Variants in NEGR1 observed in about 807,000 individuals in gnomAD.
The protein encoded by NEGR1 is neuronal growth regulator 1.
NEGR1 carries 10 observed loss-of-function variants against 40.9 expected under a neutral mutation model. The ratio of observed to expected loss-of-function variants is 0.24; its 90% CI spans 0.15 to 0.42. NEGR1 has a LOEUF of 0.42. Ranked by LOEUF, NEGR1 falls within the 10% of genes least tolerant of loss-of-function variation. The pLI, the probability that NEGR1 is intolerant of heterozygous loss-of-function variation, is 1.00. For synonymous variants in NEGR1, 185 were observed against 166.8 expected (o/e 1.11, Z -0.84); for missense variants, 352 against 438.9 (o/e 0.80, Z 1.77).
intron 1 of NEGR1, among the ~76,000 whole-genome samples, chr1:72,110,925 TG>T (rs1199889313): frequency 1.3e-5 from 2 of 151,650 alleles, no homozygotes; most frequent in South Asian, 4.1e-4. Context: ...GTGTTTTCTT[TG>T]GGAACATGAA....
chr1:72,099,604 A>G (rs1350639071), intron 1 of NEGR1, among the ~76,000 whole-genome samples: 2 of 152,052 alleles, frequency 1.3e-5, no homozygotes, highest in Admixed American at 6.6e-5. Flanking sequence ...CCTGGTAAGT[A>G]GACTTGGTGA....
intron 1 of NEGR1, among the ~76,000 whole-genome samples, chr1:71,974,172 A>C (rs1418771189): frequency 6.6e-6 from 1 of 152,166 alleles, no homozygotes; most frequent in Non-Finnish European, 1.5e-5. Context: ...CATTAGCCAC[A>C]TTACTTCAGG....
chr1:72,232,166 C>T (rs1032720558), intron 1 of NEGR1, among the ~76,000 whole-genome samples: 6 of 151,762 alleles, frequency 4.0e-5, no homozygotes, highest in Non-Finnish European at 5.9e-5. Flanking sequence ...CCAGCTTGGC[C>T]GATATGGTGA....
At chr1:71,460,899 G>A (rs1239583425) in intron 6 of NEGR1, among the ~76,000 whole-genome samples, 2 of 151,934 alleles carry the variant, frequency 1.3e-5, no homozygotes, top group East Asian at 3.9e-4. Flanking sequence ...AAAGTGGAAG[G>A]GTTTTTGTTT....
At chr1:71,869,714 A>G (rs1660221628) in intron 2 of NEGR1, among the ~76,000 whole-genome samples, 1 of 152,184 alleles carries the variant, frequency 6.6e-6, no homozygotes, top group African/African-American at 2.4e-5. Context: ...TATTCAAGTC[A>G]AAAGAAAATA....
chr1:71,643,355 A>T (rs899902535), intron 4 of NEGR1, among the ~76,000 whole-genome samples: 22 of 152,054 alleles, frequency 1.4e-4, no homozygotes, highest in Admixed American at 5.9e-4. Flanking sequence ...TGATATAGTG[A>T]TTGTGGGAGT....
Position 71,871,826 on chromosome 1 carries a change from C to G in NEGR1, c.409+63253G>C, listed in dbSNP as rs1008016142. On this transcript the variant is annotated intron_variant, in intron 2 of 6. Transcript: ENST00000357731. ...CCTAGGGTCCTTTTTTCTATCAGAG[C>G]TCATTCATGAATTGCAGCTTCCAGT... 2.0e-5 allele frequency among the ~76,000 whole-genome samples: 3 copies of G among 152,254 alleles called. No individual in the cohort carries two copies. The South Asian group carries it at 6.2e-4, about 32-fold the overall frequency.
chr1:71,710,524 C>T (rs1439005730), intron 3 of NEGR1, among the ~76,000 whole-genome samples: 1 of 152,166 alleles, frequency 6.6e-6, no homozygotes, highest in Non-Finnish European at 1.5e-5. Flanking sequence ...TACATATACA[C>T]AGTGGAGTAC....
chr1:71,685,720 T>A (rs1434046587), intron 4 of NEGR1, among the ~76,000 whole-genome samples: 2 of 152,186 alleles, frequency 1.3e-5, no homozygotes, highest in Non-Finnish European at 2.9e-5. Context: ...CCAAATTTAT[T>A]TTTCTCTCCA....
At chr1:72,222,032 G>T (rs1035696139) in intron 1 of NEGR1, among the ~76,000 whole-genome samples, 1 of 152,048 alleles carries the variant, frequency 6.6e-6, no homozygotes, top group Admixed American at 6.6e-5. Flanking sequence ...CTGACACTGG[G>T]CTGGTAGTCA....
chr1:72,188,443 T>G (rs1012069082), intron 1 of NEGR1, among the ~76,000 whole-genome samples: 1 of 151,530 alleles, frequency 6.6e-6, no homozygotes. Flanking sequence ...TTGCAACAGC[T>G]TATTAATTGG....
At chr1:72,150,525 A>G (rs1570045047) in intron 1 of NEGR1, among the ~76,000 whole-genome samples, 1 of 152,208 alleles carries the variant, frequency 6.6e-6, no homozygotes, top group East Asian at 1.9e-4. Context: ...AGCAAATATT[A>G]AAGATGATAC....
intron 2 of NEGR1, among the ~76,000 whole-genome samples, chr1:71,934,421 A>G (rs1470392975): frequency 6.6e-6 from 1 of 152,108 alleles, no homozygotes; most frequent in Non-Finnish European, 1.5e-5. Context: ...AATATAAACC[A>G]TTGTGTACAT....
At chr1:71,661,945 A>T (rs966322669) in intron 4 of NEGR1, among the ~76,000 whole-genome samples, 1 of 152,176 alleles carries the variant, frequency 6.6e-6, no homozygotes, top group African/African-American at 2.4e-5. Context: ...CTCCTTTTGT[A>T]GAACAAGGAT....
chr1:72,189,360 C>T (rs1414560281), intron 1 of NEGR1, among the ~76,000 whole-genome samples: 1 of 151,446 alleles, frequency 6.6e-6, no homozygotes, highest in African/African-American at 2.4e-5. Context: ...TCATATTAAT[C>T]TTATACTCTT....
chr1:71,547,640 CA>C (rs1647944096), intron 6 of NEGR1, among the ~76,000 whole-genome samples: 1 of 151,692 alleles, frequency 6.6e-6, no homozygotes, highest in Non-Finnish European at 1.5e-5. Context: ...AGTGTGGCCC[CA>C]GACAGAAGTG....
At chr1:72,261,609 G>A (rs535902851) in intron 1 of NEGR1, among the ~76,000 whole-genome samples, 2 of 151,972 alleles carry the variant, frequency 1.3e-5, no homozygotes, top group Non-Finnish European at 2.9e-5. Context: ...GTGGTGTCCG[G>A]CACCACTTTG....
At chr1:72,171,250 T>C (rs1651952858) in intron 1 of NEGR1, among the ~76,000 whole-genome samples, 1 of 152,180 alleles carries the variant, frequency 6.6e-6, no homozygotes, top group East Asian at 1.9e-4. Context: ...ACAGTAGCTA[T>C]AAATATTACT....
chr1:72,035,597 T>C (rs886831213), intron 1 of NEGR1, among the ~76,000 whole-genome samples: 6 of 152,288 alleles, frequency 3.9e-5, no homozygotes, highest in African/African-American at 1.4e-4. Flanking sequence ...GAATGTATAA[T>C]CACACATGGT....
Sources: allele counts gnomAD v4.1 joint callset (sites outside exome capture counted in the v4.1 genomes callset), GRCh38; gene constraint gnomAD v4.1.1; transcripts MANE v1.5; gene names NCBI Gene and HGNC (gene_info 2026-07-23, HGNC 2026-07-21).